Variants in SND1 observed in about 807,000 individuals in gnomAD.
SND1 encodes the protein staphylococcal nuclease and tudor domain containing 1, also known as staphylococcal nuclease domain-containing protein 1.
In SND1, 38 loss-of-function variants were observed where a neutral mutation model predicts 121.7. That is an observed-to-expected ratio of 0.31 (90% confidence interval 0.24 to 0.41). The LOEUF (loss-of-function observed/expected upper bound fraction) is 0.41. Ranked by LOEUF, SND1 falls within the 10% of genes least tolerant of loss-of-function variation. SND1 has a pLI of 1.00. For missense variants in SND1, 868 were observed against 1,184.6 expected, an observed-to-expected ratio of 0.73 and a Z score of 3.92; for synonymous variants, 401 against 447.4, an observed-to-expected ratio of 0.90 and a Z score of 1.31.
intron 14 of SND1, among the ~76,000 whole-genome samples, chr7:127,927,472 T>A (rs1800864613): frequency 6.6e-6 from 1 of 152,234 alleles, no homozygotes; most frequent in Non-Finnish European, 1.5e-5. Flanking sequence ...GGAGCATTTA[T>A]CTTGTTTGAC....
chr7:127,941,486 G>A (rs924459142), intron 15 of SND1, among the ~76,000 whole-genome samples: 10 of 152,092 alleles, frequency 6.6e-5, no homozygotes, highest in Admixed American at 4.6e-4. Flanking sequence ...GTTAGTCTGC[G>A]GCTGGTGGAG....
chr7:128,044,610 T>TC (rs1339935371), intron 16 of SND1, among the ~76,000 whole-genome samples: 1 of 125,288 alleles, frequency 8.0e-6, no homozygotes, highest in Non-Finnish European at 1.7e-5. Context: ...CTCATCTTCT[T>TC]CCCCCCTCCC....
intron 15 of SND1, among the ~76,000 whole-genome samples, chr7:127,985,689 T>G (rs1802371564): frequency 6.6e-6 from 1 of 152,244 alleles, no homozygotes; most frequent in African/African-American, 2.4e-5. Flanking sequence ...CACAAAGTGT[T>G]TTCATCATTG....
chr7:127,780,449 A>G (rs576335449), intron 10 of SND1, among the ~76,000 whole-genome samples: 126 of 152,350 alleles, frequency 8.3e-4, no homozygotes, highest in African/African-American at 2.9e-3. Context: ...ACTTATGTCC[A>G]GTGTCCTGAT....
intron 12 of SND1, among the ~76,000 whole-genome samples, chr7:127,884,293 A>G (rs1312237863): frequency 1.3e-5 from 2 of 152,012 alleles, no homozygotes; most frequent in Non-Finnish European, 2.9e-5. Flanking sequence ...ATTTATTTTT[A>G]TATGTTTATT....
At chr7:127,670,442 G>T (rs1484949414) in intron 1 of SND1, among the ~76,000 whole-genome samples, 1 of 152,214 alleles carries the variant, frequency 6.6e-6, no homozygotes, top group South Asian at 2.1e-4. Flanking sequence ...TTGATAATAC[G>T]ATTCTTTTTT....
At position 127,817,721 on chromosome 7, in the gene SND1, CTTTTTTTT is replaced by C. The variant is rs72233818; in HGVS notation, c.1242+10167_1242+10174del. ...CATTTCACAACTTCTTTCCTTCATACTTTTTTTTTTTTTTTTTTTTTTTTTTGGTCAGG... is the reference window on the plus strand; with the variant it reads ...CATTTCACAACTTCTTTCCTTCATACTTTTTTTTTTTTTTTTTTGGTCAGG... On this transcript the variant is annotated intron_variant, in intron 11 of 23. Coordinates refer to ENST00000354725, the MANE Select transcript of SND1 (RefSeq NM_014390.4). 1.3e-3 allele frequency among the ~76,000 whole-genome samples: 137 copies of C among 104,094 alleles called. No homozygotes were observed. In the East Asian group the frequency reaches 0.03, roughly 23 times the overall value. 68.3% of individuals were successfully genotyped at this position (104,094 alleles called of 152,430 possible).
chr7:128,002,137 G>A (rs557475058), intron 16 of SND1, among the ~76,000 whole-genome samples: 1 of 152,284 alleles, frequency 6.6e-6, no homozygotes, highest in East Asian at 1.9e-4. Flanking sequence ...TGGCACATAT[G>A]CATATGCTAC....
At chr7:127,953,178 G>A (rs1801503920) in intron 15 of SND1, among the ~76,000 whole-genome samples, 4 of 84,642 alleles carry the variant, frequency 4.7e-5, no homozygotes, top group Non-Finnish European at 9.6e-5. Flanking sequence ...GTGTGTGTGT[G>A]TGTGTGTGTG....
intron 1 of SND1, among the ~76,000 whole-genome samples, chr7:127,657,987 A>G (rs1269904940): frequency 6.6e-6 from 1 of 152,188 alleles, no homozygotes. Context: ...GACATTAAGT[A>G]CACTGAATAA....
intron 10 of SND1, among the ~76,000 whole-genome samples, chr7:127,765,617 C>T (rs140990738): frequency 5.3e-5 from 8 of 152,254 alleles, no homozygotes; most frequent in East Asian, 1.9e-4. Context: ...TTAAATATTT[C>T]GAGGCTGAGG....
chr7:127,915,996 A>G (rs1390286586), intron 14 of SND1, among the ~76,000 whole-genome samples: 9 of 149,138 alleles, frequency 6.0e-5, no homozygotes, highest in Admixed American at 2.7e-4. Flanking sequence ...AGAACAGCAT[A>G]TGTGTGTGTG....
chr7:127,785,850 GT>G lies in SND1; in HGVS notation c.1153-21632del, dbSNP rs565315367. On this transcript the variant is annotated intron_variant, in intron 10 of 23. Coordinates refer to ENST00000354725, the MANE Select transcript of SND1 (RefSeq NM_014390.4). ...TCTTGGCACAGATCATTGAATTTAAGTTATACTGAGATTGCAGAAGATCTGC... is the reference window on the plus strand; with the variant it reads ...TCTTGGCACAGATCATTGAATTTAAGTATACTGAGATTGCAGAAGATCTGC... Among the ~76,000 whole-genome samples, 3 of 152,302 alleles carry G rather than the reference GT, an allele frequency of 2.0e-5. No individual in the cohort carries two copies. In the East Asian group the frequency reaches 5.8e-4, roughly 29 times the overall value.
intron 14 of SND1, among the ~76,000 whole-genome samples, chr7:127,915,488 A>G (rs1800554072): frequency 6.6e-6 from 1 of 152,084 alleles, no homozygotes. Context: ...CTTGTTTTTT[A>G]AATGCATTCC....
At chr7:127,834,799 A>G (rs946156573) in intron 11 of SND1, among the ~76,000 whole-genome samples, 6 of 152,178 alleles carry the variant, frequency 3.9e-5, no homozygotes, top group Non-Finnish European at 8.8e-5. Flanking sequence ...CATTATATAC[A>G]TCCTTGAGGT....
At chr7:127,999,380 G>C (rs1584727630) in intron 16 of SND1, 1 of 120,844 alleles carries the variant, frequency 8.3e-6, no homozygotes. Flanking sequence ...TTTTCTTAAT[G>C]TTGTTCCTAT....
At chr7:128,044,052 G>C (rs1296763348) in intron 16 of SND1, among the ~76,000 whole-genome samples, 1 of 152,208 alleles carries the variant, frequency 6.6e-6, no homozygotes, top group Non-Finnish European at 1.5e-5. Context: ...AGGTAGCAGA[G>C]TGGGAATAAA....
chr7:128,056,426 T>C (rs1017017623), intron 16 of SND1, among the ~76,000 whole-genome samples: 11 of 152,230 alleles, frequency 7.2e-5, no homozygotes, highest in Admixed American at 5.2e-4. Flanking sequence ...GAGATTATCC[T>C]CCCTTTATGT....
intron 15 of SND1, among the ~76,000 whole-genome samples, chr7:127,936,125 G>A (rs374507262): frequency 1.2e-4 from 18 of 152,306 alleles, no homozygotes; most frequent in African/African-American, 3.6e-4. Flanking sequence ...CCTCCTGAAC[G>A]CTCTTGCCCT....
Sources: allele counts gnomAD v4.1 joint callset (sites outside exome capture counted in the v4.1 genomes callset), GRCh38; gene constraint gnomAD v4.1.1; transcripts MANE v1.5; gene names NCBI Gene and HGNC (gene_info 2026-07-23, HGNC 2026-07-21).